ZNFX1: variants seen among roughly 807,000 people sequenced by gnomAD.
ZNFX1 encodes zinc finger NFX1-type containing 1.
Under a neutral mutation model 179.8 loss-of-function variants are expected in ZNFX1, and 78 were observed. That is an observed-to-expected ratio of 0.43 (90% CI 0.36 to 0.52). The LOEUF (loss-of-function observed/expected upper bound fraction) is 0.52. Ranked by LOEUF, ZNFX1 falls within the 20% of genes least tolerant of loss-of-function variation. The pLI is 0.00. For missense variants in ZNFX1, 1,927 were observed against 2,386.6 expected (o/e 0.81, Z 4.01); for synonymous variants, 848 against 868.5 (o/e 0.98, Z 0.42).
chr20:49,254,769 CAGAG>C (rs1980928311), intron 9 of ZNFX1, 120 bp from the exon 10 acceptor site: 1 of 1,130,084 alleles, frequency 8.8e-7, no homozygotes, highest in East Asian at 2.4e-5. Flanking sequence ...TAGTGACAAA[CAGAG>C]AGATACATTC....
rs1981077711 is a variant in ZNFX1 at position 49,260,175 on chromosome 20, T to C, written c.2416+288A>G. 6.6e-6 allele frequency among the ~76,000 whole-genome samples: 1 copy of C among 151,972 alleles called. No homozygotes were observed. On this transcript the variant is annotated intron_variant, in intron 7 of 13. Transcript: ENST00000396105. ...GGCACTTGCCTGTAATGCCAGCTAC[T>C]TGGGAGGCTAAGGCAGGAGAGGAGA...
chr20:49,263,512 G>T, intron 5 of ZNFX1, 29 bp from the exon 6 acceptor site: 1 of 1,556,148 alleles, frequency 6.4e-7, no homozygotes, highest in Non-Finnish European at 8.7e-7. Context: ...AAGAAATGAT[G>T]AGGAAATATC....
At chr20:49,256,024 G>A in intron 8 of ZNFX1, 77 bp from the exon 9 acceptor site, 1 of 1,537,738 alleles carries the variant, frequency 6.5e-7, no homozygotes, top group African/African-American at 1.4e-5. Flanking sequence ...AGGGGTCACA[G>A]CACGTAAGAA....
At chr20:49,268,577 A>G (rs1227839246) in intron 3 of ZNFX1, among the ~76,000 whole-genome samples, 1 of 152,224 alleles carries the variant, frequency 6.6e-6, no homozygotes, top group Admixed American at 6.5e-5. Flanking sequence ...CAACAGAATA[A>G]ACAGACAACC....
At chr20:49,263,527 T>G in intron 5 of ZNFX1, 44 bp from the exon 6 acceptor site, 1 of 1,549,914 alleles carries the variant, frequency 6.5e-7, no homozygotes, top group Non-Finnish European at 8.7e-7. Context: ...AATATCATCA[T>G]CCCCCAAACT....
intron 6 of ZNFX1, among the ~76,000 whole-genome samples, chr20:49,261,643 C>T (rs1981113600): frequency 6.7e-6 from 1 of 148,718 alleles, no homozygotes; most frequent in South Asian, 2.1e-4. Context: ...ACCGCCATGA[C>T]ACAAGTTTTT....
chr20:49,262,480 C>T (rs550345301), intron 6 of ZNFX1, among the ~76,000 whole-genome samples: 46 of 151,070 alleles, frequency 3.0e-4, no homozygotes, highest in Non-Finnish European at 5.3e-4. Context: ...AAATCAGGAG[C>T]TATGGCAGCA....
intron 13 of ZNFX1, among the ~76,000 whole-genome samples, chr20:49,250,390 T>G (rs944409493): frequency 2.6e-5 from 4 of 152,230 alleles, no homozygotes; most frequent in African/African-American, 9.6e-5. Context: ...GCTGACTGCT[T>G]TATATACATT....
chr20:49,277,591 T>C, intron 1 of ZNFX1, among the ~76,000 whole-genome samples: 1 of 144,360 alleles, frequency 6.9e-6, no homozygotes, highest in Non-Finnish European at 1.5e-5. Context: ...GCGGTGACGG[T>C]GTCGGGGGTG....
chr20:49,271,943 T>C (rs1454023411), intron 2 of ZNFX1, among the ~76,000 whole-genome samples, 193 bp from the exon 3 acceptor site: 1 of 152,174 alleles, frequency 6.6e-6, no homozygotes, highest in Non-Finnish European at 1.5e-5. Context: ...TAGGAAAATA[T>C]TATTTTTACA....
At chr20:49,254,039 T>C (rs938096680) in intron 10 of ZNFX1, among the ~76,000 whole-genome samples, 13 of 151,714 alleles carry the variant, frequency 8.6e-5, no homozygotes, top group Non-Finnish European at 1.6e-4. Context: ...CTTTTTTTTT[T>C]TTTCTTTGAG....
chr20:49,247,219 C>T lies in ZNFX1; in HGVS notation c.*48G>A, dbSNP rs938637121. 5 of 1,547,670 alleles carry T rather than the reference C, an allele frequency of 3.2e-6. No homozygotes were observed. Among genetic ancestry groups the T allele is most frequent in the Non-Finnish European group, 4.4e-6 (5 of 1,147,920 alleles). On this transcript the variant is annotated 3_prime_UTR_variant, in exon 14 of 14. Coordinates refer to ENST00000396105, the MANE Select transcript of ZNFX1 (RefSeq NM_021035.3). ...TTCAGTTCCTTCATTAGGGAGCTGG[C>T]CCCAGTCATTCAGTGGCGAGGGCAA...
chr20:49,247,711 G>A lies in ZNFX1; in HGVS notation c.5313C>T (p.Thr1771=), dbSNP rs1167194878. The A allele has an allele frequency of 3.1e-6, 5 of 1,614,040 alleles. No individual in the cohort carries two copies. The highest frequency in any genetic ancestry group is 4.2e-6 in the Non-Finnish European group (5 of 1,180,048). ...CCTTCTTCTCTGCTATCTTGTAGCG[G>A]GTCAGAAGGTTCACCAGGTATGTGA... ...QRLTYLVNLL[T]RYKIAEKKVK... Residue 1771 remains threonine, a synonymous_variant, in exon 14 of 14, where the codon ACC becomes ACT. Coordinates refer to ENST00000396105, the MANE Select transcript of ZNFX1 (RefSeq NM_021035.3).
At position 49,249,374 on chromosome 20, in the gene ZNFX1, A is replaced by C. The variant is rs766944793; in HGVS notation, c.3650T>G (p.Ile1217Ser). Reference protein sequence around the residue: ...KVGFLQISNRICVALSRAKKG... With the variant: ...KVGFLQISNRSCVALSRAKKG... ...CTTGGCTCGGGACAAGGCCACACAG[A>C]TGCGGTTGGATATCTGCAGAAAACC... Residue 1217 changes from isoleucine (I) to serine (S), a missense_variant, in exon 14 of 14, where the codon ATC (isoleucine) becomes AGC (serine). By Grantham distance (142) the Ile-to-Ser change is moderately radical (BLOSUM62 -2). Transcript: ENST00000396105. The C allele has an allele frequency of 1.2e-6, 2 of 1,614,118 alleles. No individual in the cohort carries two copies. The highest frequency in any genetic ancestry group is 2.7e-5 in the African/African-American group (2 of 74,950).
chr20:49,256,455 A>G (rs1980973069), intron 8 of ZNFX1, among the ~76,000 whole-genome samples: 1 of 152,216 alleles, frequency 6.6e-6, no homozygotes, highest in Admixed American at 6.5e-5. Flanking sequence ...GACTTGGCAC[A>G]GTGCCTGCTA....
At chr20:49,257,294 T>G in intron 8 of ZNFX1, 123 bp downstream of exon 8, 1 of 1,344,830 alleles carries the variant, frequency 7.4e-7, no homozygotes, top group Non-Finnish European at 1.0e-6. Flanking sequence ...ATACCAGGGG[T>G]AGGCTGTAAT....
At chr20:49,255,974 A>T in intron 8 of ZNFX1, 27 bp from the exon 9 acceptor site, 1 of 1,612,298 alleles carries the variant, frequency 6.2e-7, no homozygotes. Flanking sequence ...CAGGCAGGGT[A>T]CTGTCTGAGC....
chr20:49,269,697 A>C (rs953825194), intron 3 of ZNFX1, among the ~76,000 whole-genome samples: 3 of 152,168 alleles, frequency 2.0e-5, no homozygotes, highest in Non-Finnish European at 4.4e-5. Flanking sequence ...CAATGACGAC[A>C]ACAAAAAACT....
At chr20:49,266,580 T>G (rs1600994356) in intron 3 of ZNFX1, among the ~76,000 whole-genome samples, 1 of 135,924 alleles carries the variant, frequency 7.4e-6, no homozygotes, top group Admixed American at 7.7e-5. Flanking sequence ...TAACAGACAA[T>G]TTTTACCATT....
Sources: allele counts gnomAD v4.1 joint callset (sites outside exome capture counted in the v4.1 genomes callset), GRCh38; gene constraint gnomAD v4.1.1; transcripts MANE v1.5; gene names NCBI Gene and HGNC (gene_info 2026-07-23, HGNC 2026-07-21).